Variants in CAP2 observed in about 807,000 individuals in gnomAD.
CAP2 encodes the protein cyclase associated actin cytoskeleton regulatory protein 2.
Under a neutral mutation model 57.7 loss-of-function variants are expected in CAP2, and 24 were observed. That is an observed-to-expected ratio of 0.42 (90% CI 0.30 to 0.58). The LOEUF is 0.58. Among genes scored for constraint, CAP2 ranks in the 20% least tolerant of loss-of-function variants. The pLI is 0.22. For missense variants in CAP2, 501 were observed against 590.3 expected (o/e 0.85, Z 1.57); for synonymous variants, 194 against 207.2 (o/e 0.94, Z 0.55).
intron 4 of CAP2, among the ~76,000 whole-genome samples, chr6:17,481,776 C>T (rs1387853369): frequency 6.6e-6 from 1 of 152,144 alleles, no homozygotes; most frequent in Non-Finnish European, 1.5e-5. Context: ...TGGGCAAGTA[C>T]CTTCTCTTGG....
At chr6:17,426,740 C>T in intron 3 of CAP2, 50 bp downstream of exon 3, 1 of 1,257,112 alleles carries the variant, frequency 8.0e-7, no homozygotes, top group Non-Finnish European at 1.2e-6. Flanking sequence ...ACTTACCAGC[C>T]CAGCCTCTGA....
At chr6:17,531,665 G>C in intron 7 of CAP2, 2 of 929,438 alleles carry the variant, frequency 2.2e-6, no homozygotes, top group Non-Finnish European at 3.3e-6. Flanking sequence ...AGTGGTCTCT[G>C]CTTGTTAAAA....
intron 4 of CAP2, among the ~76,000 whole-genome samples, chr6:17,471,607 C>T (rs1054559448): frequency 6.6e-6 from 1 of 152,044 alleles, no homozygotes; most frequent in African/African-American, 2.4e-5. Flanking sequence ...CCGAGGCGGG[C>T]GGATCGCGAG....
At chr6:17,547,224 C>T (rs1047700119) in intron 11 of CAP2, among the ~76,000 whole-genome samples, 9 of 152,114 alleles carry the variant, frequency 5.9e-5, no homozygotes, top group African/African-American at 2.2e-4. Context: ...GAGAAAATAA[C>T]AGTCTTATAC....
chr6:17,523,902 C>T (rs928869678), intron 7 of CAP2, among the ~76,000 whole-genome samples: 2 of 151,970 alleles, frequency 1.3e-5, no homozygotes, highest in Admixed American at 6.6e-5. Context: ...GATGAAACCC[C>T]GTCTCTACTA....
At chr6:17,413,581 T>C (rs1759196313) in intron 1 of CAP2, among the ~76,000 whole-genome samples, 1 of 152,190 alleles carries the variant, frequency 6.6e-6, no homozygotes, top group African/African-American at 2.4e-5. Context: ...ATTGAGTGAA[T>C]GAAACAAACA....
At chr6:17,499,638 C>T (rs1021161216) in intron 4 of CAP2, among the ~76,000 whole-genome samples, 2 of 151,856 alleles carry the variant, frequency 1.3e-5, no homozygotes, top group Middle Eastern at 3.2e-3. Context: ...TGCTTGAGCC[C>T]AGGAGTTCAA....
chr6:17,490,564 G>C (rs1761520024), intron 4 of CAP2, among the ~76,000 whole-genome samples: 2 of 152,238 alleles, frequency 1.3e-5, no homozygotes, highest in Admixed American at 1.3e-4. Flanking sequence ...GTATTGGGTT[G>C]GGTGGGGTGT....
intron 6 of CAP2, among the ~76,000 whole-genome samples, chr6:17,512,411 G>T (rs6459553): frequency 6.6e-6 from 1 of 151,612 alleles, no homozygotes; most frequent in Non-Finnish European, 1.5e-5. Context: ...AAAAAAAAGA[G>T]AAGAAAGTAT....
intron 1 of CAP2, among the ~76,000 whole-genome samples, chr6:17,397,650 G>A (rs555733791): frequency 9.2e-5 from 13 of 141,590 alleles, no homozygotes; most frequent in Admixed American, 1.5e-4. Context: ...AGCCGAGATC[G>A]CGCCACTGCA....
intron 11 of CAP2, among the ~76,000 whole-genome samples, chr6:17,547,737 A>G (rs1205927872): frequency 6.6e-6 from 1 of 151,638 alleles, no homozygotes; most frequent in Non-Finnish European, 1.5e-5. Context: ...GCTACTCAGG[A>G]GGCTGAGGCA....
intron 1 of CAP2, among the ~76,000 whole-genome samples, chr6:17,416,515 G>T (rs1188631672): frequency 6.6e-6 from 1 of 152,186 alleles, no homozygotes; most frequent in Non-Finnish European, 1.5e-5. Flanking sequence ...CTATTGGGAG[G>T]ACAAGACAAA....
intron 4 of CAP2, among the ~76,000 whole-genome samples, chr6:17,467,873 G>A (rs1356038886): frequency 6.6e-6 from 1 of 152,100 alleles, no homozygotes; most frequent in Non-Finnish European, 1.5e-5. Context: ...CAGTCACCCT[G>A]TTATGCTATC....
At chr6:17,438,600 A>G (rs62393833) in intron 3 of CAP2, among the ~76,000 whole-genome samples, 94,783 of 144,188 alleles carry the variant, frequency 0.66, 32,607 homozygotes, top group East Asian at 0.85. Context: ...AACCACGTCC[A>G]GCTAATTTTT....
At chr6:17,523,797 A>C (rs868114768) in intron 7 of CAP2, among the ~76,000 whole-genome samples, 14 of 152,196 alleles carry the variant, frequency 9.2e-5, no homozygotes, top group African/African-American at 3.4e-4. Context: ...GTTTTACAGA[A>C]TTAAGGAGTA....
intron 11 of CAP2, among the ~76,000 whole-genome samples, chr6:17,549,254 G>T: frequency 6.6e-6 from 1 of 152,088 alleles, no homozygotes; most frequent in East Asian, 1.9e-4. Flanking sequence ...ACCTGAAGTC[G>T]GGAGTTCGAG....
At chr6:17,530,145 C>T (rs1257068486) in intron 7 of CAP2, among the ~76,000 whole-genome samples, 3 of 152,152 alleles carry the variant, frequency 2.0e-5, no homozygotes, top group Admixed American at 2.0e-4. Flanking sequence ...GCCATCATAG[C>T]TCACTGCAGC....
intron 4 of CAP2, among the ~76,000 whole-genome samples, chr6:17,501,698 TA>T (rs1761825701): frequency 6.6e-6 from 1 of 152,230 alleles, no homozygotes; most frequent in Non-Finnish European, 1.5e-5. Context: ...AAACTCATCT[TA>T]CTTTTGCAAA....
intron 7 of CAP2, among the ~76,000 whole-genome samples, chr6:17,517,058 G>C (rs1325441532): frequency 6.6e-6 from 1 of 152,158 alleles, no homozygotes. Context: ...AGACTAATTG[G>C]AATTATTTTT....
Sources: gnomAD v4.1 joint callset for allele counts (sites outside exome capture counted in the v4.1 genomes callset) on GRCh38, gnomAD v4.1.1 for gene constraint, MANE v1.5 for transcripts, NCBI Gene and HGNC (gene_info 2026-07-23, HGNC 2026-07-21) for gene names.